Variants in SSBP2 observed in about 807,000 individuals in gnomAD.
SSBP2 encodes single-stranded DNA-binding protein 2.
A neutral mutation model predicts 61.8 loss-of-function variants in SSBP2; 17 were observed. That is an observed-to-expected ratio of 0.28 (90% confidence interval 0.19 to 0.41). The LOEUF (loss-of-function observed/expected upper bound fraction) is 0.41, where lower values mean the gene tolerates loss of function less well. Among genes scored for constraint, SSBP2 ranks in the 10% least tolerant of loss-of-function variants. SSBP2 has a pLI of 1.00. For synonymous variants in SSBP2, 139 were observed against 141.3 expected, an observed-to-expected ratio of 0.98 and a Z score of 0.12; for missense variants, 310 against 458.7, an observed-to-expected ratio of 0.68 and a Z score of 2.96.
At chr5:81,474,832 C>T (rs1310410245) in intron 6 of SSBP2, among the ~76,000 whole-genome samples, 4 of 152,066 alleles carry the variant, frequency 2.6e-5, no homozygotes, top group Non-Finnish European at 5.9e-5. Flanking sequence ...AAAAACTGTC[C>T]TATTTCTTCC....
chr5:81,557,918 T>C (rs1389329247), intron 4 of SSBP2, among the ~76,000 whole-genome samples: 1 of 152,198 alleles, frequency 6.6e-6, no homozygotes, highest in Non-Finnish European at 1.5e-5. Context: ...TTTTACTTTG[T>C]TGGGTGCTGG....
intron 5 of SSBP2, among the ~76,000 whole-genome samples, chr5:81,495,771 A>G (rs995664469): frequency 3.3e-5 from 5 of 152,156 alleles, no homozygotes; most frequent in Admixed American, 2.6e-4. Context: ...ATCTTACCTT[A>G]TATCTCATTA....
At chr5:81,595,298 T>C (rs1302113141) in intron 4 of SSBP2, among the ~76,000 whole-genome samples, 1 of 152,074 alleles carries the variant, frequency 6.6e-6, no homozygotes, top group Non-Finnish European at 1.5e-5. Context: ...CAGGAAGAAG[T>C]TGAATCTCTG....
intron 1 of SSBP2, among the ~76,000 whole-genome samples, chr5:81,652,088 G>C (rs1210596990): frequency 6.6e-6 from 1 of 152,088 alleles, no homozygotes; most frequent in African/African-American, 2.4e-5. Context: ...GAACAATAAA[G>C]CTGGTCCACC....
chr5:81,489,162 T>C (rs1766661944), intron 6 of SSBP2, 88 bp downstream of exon 6: 4 of 1,217,918 alleles, frequency 3.3e-6, no homozygotes, highest in Non-Finnish European at 4.7e-6. Flanking sequence ...AAAAGGAGAA[T>C]TTCATATTTT....
chr5:81,703,859 A>T (rs1015312236), intron 1 of SSBP2, among the ~76,000 whole-genome samples: 4 of 152,240 alleles, frequency 2.6e-5, no homozygotes, highest in Non-Finnish European at 5.9e-5. Context: ...GTACCCACTA[A>T]CAAATTCTAG....
chr5:81,732,809 T>TTTTTAAAAAAAAAATATC (rs1261696640), intron 1 of SSBP2, among the ~76,000 whole-genome samples: 4 of 152,218 alleles, frequency 2.6e-5, no homozygotes, highest in Non-Finnish European at 5.9e-5. Context: ...TAAACATACT[T>TTTTTAAAAAAAAAATATC]TTTTAAAAAA....
At chr5:81,553,591 G>A (rs955457274) in intron 4 of SSBP2, among the ~76,000 whole-genome samples, 1 of 151,962 alleles carries the variant, frequency 6.6e-6, no homozygotes, top group African/African-American at 2.4e-5. Context: ...TCTCCTTTAT[G>A]TTTCAATTAC....
At chr5:81,597,253 GA>G (rs1743857239) in intron 4 of SSBP2, among the ~76,000 whole-genome samples, 1 of 152,132 alleles carries the variant, frequency 6.6e-6, no homozygotes, top group Non-Finnish European at 1.5e-5. Flanking sequence ...AAACACACAT[GA>G]AAAAATGCTC....
chr5:81,485,838 C>T (rs1766338833), intron 6 of SSBP2, among the ~76,000 whole-genome samples: 1 of 152,106 alleles, frequency 6.6e-6, no homozygotes, highest in Non-Finnish European at 1.5e-5. Flanking sequence ...TACATAATTC[C>T]AATTAATCAC....
chr5:81,646,800 C>T (rs561891245), intron 2 of SSBP2, among the ~76,000 whole-genome samples: 1 of 150,096 alleles, frequency 6.7e-6, no homozygotes, highest in African/African-American at 2.5e-5. Flanking sequence ...GTGCAGGTCC[C>T]TGTAGATTGT....
At chr5:81,507,684 A>G (rs1239173698) in intron 5 of SSBP2, among the ~76,000 whole-genome samples, 1 of 152,120 alleles carries the variant, frequency 6.6e-6, no homozygotes, top group Non-Finnish European at 1.5e-5. Flanking sequence ...TGTGGTAAAG[A>G]ACATAAAGTA....
At chr5:81,527,305 A>C (rs1770020262) in intron 4 of SSBP2, among the ~76,000 whole-genome samples, 1 of 152,098 alleles carries the variant, frequency 6.6e-6, no homozygotes, top group African/African-American at 2.4e-5. Flanking sequence ...GCACAAGTGA[A>C]AAGTGGAGGA....
intron 4 of SSBP2, among the ~76,000 whole-genome samples, chr5:81,608,566 C>T (rs78487976): frequency 0.011 from 1,674 of 152,270 alleles, 41 homozygotes; most frequent in African/African-American, 0.038. Context: ...CATGGTTAAA[C>T]CACACTCAGT....
At chr5:81,751,767 C>T (rs767847358), upstream of SSBP2, 2 of 152,294 alleles carry the variant, frequency 1.3e-5, no homozygotes, top group Non-Finnish European at 2.9e-5. Context: ...GTTCCCTCGA[C>T]CTTCTGGCTG....
At chr5:81,531,229 G>GAAAAAAAAAAAAAAGA (rs71000841) in intron 4 of SSBP2, among the ~76,000 whole-genome samples, 6 of 118,322 alleles carry the variant, frequency 5.1e-5, no homozygotes, top group African/African-American at 1.6e-4. Flanking sequence ...ACCCTGTCTG[G>GAAAAAAAAAAAAAAGA]AAAAAAAAAA....
At chr5:81,558,754 T>G (rs1254747979) in intron 4 of SSBP2, among the ~76,000 whole-genome samples, 2 of 152,246 alleles carry the variant, frequency 1.3e-5, no homozygotes, top group Non-Finnish European at 2.9e-5. Context: ...TCTTTTACTT[T>G]CTTTCCTATC....
chr5:81,547,129 T>G (rs181098075), intron 4 of SSBP2, among the ~76,000 whole-genome samples: 1 of 150,688 alleles, frequency 6.6e-6, no homozygotes, highest in East Asian at 1.9e-4. Flanking sequence ...GGTGGGGATT[T>G]GAAGCAACAG....
chr5:81,648,340 A>G (rs1749448921), intron 2 of SSBP2, among the ~76,000 whole-genome samples: 1 of 152,132 alleles, frequency 6.6e-6, no homozygotes, highest in South Asian at 2.1e-4. Context: ...TTGAAATCAA[A>G]TTTTTATTAT....
Sources: gnomAD v4.1 joint callset for allele counts (sites outside exome capture counted in the v4.1 genomes callset) on GRCh38, gnomAD v4.1.1 for gene constraint, MANE v1.5 for transcripts, NCBI Gene and HGNC (gene_info 2026-07-23, HGNC 2026-07-21) for gene names.